Variants in FUT8 observed in about 807,000 individuals in gnomAD.
The protein encoded by FUT8 is fucosyltransferase 8.
A neutral mutation model predicts 71.3 loss-of-function variants in FUT8; 29 were observed. The ratio of observed to expected loss-of-function variants is 0.41; its 90% CI spans 0.30 to 0.55. FUT8 has a LOEUF of 0.55. Ranked by LOEUF, FUT8 falls within the 20% of genes least tolerant of loss-of-function variation. FUT8 has a pLI of 0.34. For missense variants in FUT8, 544 were observed against 702.1 expected (o/e 0.77, Z 2.55); for synonymous variants, 254 against 239.3 (o/e 1.06, Z -0.57).
chr14:65,571,968 C>G (rs921450812), intron 3 of FUT8, among the ~76,000 whole-genome samples: 1 of 152,106 alleles, frequency 6.6e-6, no homozygotes, highest in Non-Finnish European at 1.5e-5. Flanking sequence ...TATAAAATAG[C>G]AGACTCTTAG....
rs1893968873 is a variant in FUT8, at chr14:65,695,919, G to A, written c.836-25856G>A. Among the ~76,000 whole-genome samples the A allele has an allele frequency of 3.3e-5, 5 of 151,772 alleles. 1 individual carries two copies. The South Asian group carries it at 1.0e-3, about 32-fold the overall frequency. On this transcript the variant is annotated intron_variant, in intron 7 of 10. Coordinates refer to ENST00000673929, the MANE Select transcript of FUT8 (RefSeq NM_001371533.1). The stretch of plus-strand genomic sequence containing the variant: ...CATATCAGTTATAACTTCTTCTAGT[G>A]GTTGCCCCAGAGCTTGCAATATATA...
chr14:65,537,451 G>A (rs1266755651), intron 2 of FUT8, among the ~76,000 whole-genome samples: 2 of 152,098 alleles, frequency 1.3e-5, no homozygotes, highest in African/African-American at 4.8e-5. Flanking sequence ...GCAGTGGCGT[G>A]ATCTCAGCTC....
intron 6 of FUT8, among the ~76,000 whole-genome samples, chr14:65,635,411 A>G (rs1890494111): frequency 6.6e-6 from 1 of 152,094 alleles, no homozygotes; most frequent in Non-Finnish European, 1.5e-5. Context: ...TCCTTGTCTT[A>G]TTCTAATTCT....
chr14:65,708,987 AAG>A (rs975808553), intron 7 of FUT8, among the ~76,000 whole-genome samples: 28 of 152,192 alleles, frequency 1.8e-4, no homozygotes, highest in African/African-American at 6.5e-4. Context: ...AAATTGCTAA[AAG>A]AATTTATTTC....
At chr14:65,378,732 G>T in the FUT8 span, among the ~76,000 whole-genome samples, 1 of 147,840 alleles carries the variant, frequency 6.8e-6, no homozygotes, top group Non-Finnish European at 1.5e-5. Context: ...CCAAACATCT[G>T]TTTGTCTACA....
intron 1 of FUT8, among the ~76,000 whole-genome samples, chr14:65,428,536 C>G (rs925694400): frequency 3.2e-4 from 48 of 152,222 alleles, no homozygotes; most frequent in African/African-American, 1.1e-3. Context: ...GTTACCCAGT[C>G]TAAGGTATTT....
intron 7 of FUT8, among the ~76,000 whole-genome samples, chr14:65,715,709 A>G (rs1036171405): frequency 6.6e-6 from 1 of 152,058 alleles, no homozygotes; most frequent in African/African-American, 2.4e-5. Context: ...TAATTTCTTC[A>G]TTGATCCATT....
intron 2 of FUT8, among the ~76,000 whole-genome samples, chr14:65,477,656 A>G (rs1445135682): frequency 6.6e-6 from 1 of 152,172 alleles, no homozygotes; most frequent in Non-Finnish European, 1.5e-5. Flanking sequence ...AAACAGTAGT[A>G]CAGAGGAAAT....
upstream of FUT8, among the ~76,000 whole-genome samples, chr14:65,406,527 G>A (rs571229953): frequency 6.6e-5 from 10 of 151,732 alleles, no homozygotes; most frequent in African/African-American, 2.2e-4. Context: ...TTCGTCTCTC[G>A]CTCTCTCTCT....
At chr14:65,426,328 G>GTTT (rs1334950112) in intron 1 of FUT8, among the ~76,000 whole-genome samples, 4 of 133,970 alleles carry the variant, frequency 3.0e-5, no homozygotes, top group African/African-American at 2.7e-5. Context: ...CCTTTTTAAA[G>GTTT]TTTTTTTTTT....
intron 10 of FUT8, among the ~76,000 whole-genome samples, chr14:65,735,983 G>A (rs1038956707): frequency 1.3e-5 from 2 of 152,126 alleles, no homozygotes; most frequent in Non-Finnish European, 2.9e-5. Context: ...AAAAGTCACT[G>A]ATGGGATAAA....
intron 1 of FUT8, among the ~76,000 whole-genome samples, chr14:65,424,514 T>C (rs2065352903): frequency 1.3e-5 from 2 of 151,720 alleles, no homozygotes; most frequent in South Asian, 2.1e-4. Context: ...GACATACCTC[T>C]TACTTTCTAT....
chr14:65,434,205 T>C (rs780436312), intron 1 of FUT8, among the ~76,000 whole-genome samples: 11 of 152,202 alleles, frequency 7.2e-5, no homozygotes, highest in Non-Finnish European at 1.5e-4. Flanking sequence ...ATAGGAAGAA[T>C]AGAGATGGAG....
intron 10 of FUT8, among the ~76,000 whole-genome samples, chr14:65,735,450 A>C (rs923257262): frequency 1.3e-5 from 2 of 152,080 alleles, no homozygotes; most frequent in African/African-American, 4.8e-5. Context: ...TGCTGAGAAG[A>C]CTTTCTGTAT....
At chr14:65,443,463 A>G (rs1228503494) in intron 1 of FUT8, among the ~76,000 whole-genome samples, 2 of 150,694 alleles carry the variant, frequency 1.3e-5, no homozygotes, top group South Asian at 2.1e-4. Context: ...GCTCACACCT[A>G]TGATCCCGCA....
At position 65,742,677 on chromosome 14, in the gene FUT8, C is replaced by T. The variant is rs942262371; in HGVS notation, c.*267C>T. Reference sequence around the variant, plus strand: ...TGCAAACAGGTTGTTTTCTACTTTGCCCCTTTCAGTATGTCCCCATAAGAC... The same window carrying T: ...TGCAAACAGGTTGTTTTCTACTTTGTCCCTTTCAGTATGTCCCCATAAGAC... On this transcript the variant is annotated 3_prime_UTR_variant, in exon 11 of 11. Transcript: ENST00000673929. 2.7e-6 allele frequency: 1 copy of T among 364,038 alleles called. No homozygotes were observed. Among genetic ancestry groups the T allele is most frequent in the Admixed American group, 4.1e-5 (1 of 24,596 alleles). 22.6% of individuals were successfully genotyped at this position (364,038 alleles called of 1,614,324 possible).
intron 2 of FUT8, among the ~76,000 whole-genome samples, chr14:65,546,926 C>G (rs1246632416): frequency 6.6e-6 from 1 of 151,616 alleles, no homozygotes; most frequent in African/African-American, 2.4e-5. Context: ...TTAGGCTATT[C>G]AAGTAATCTA....
chr14:65,724,686 T>C (rs1391858757), intron 9 of FUT8, among the ~76,000 whole-genome samples: 2 of 152,126 alleles, frequency 1.3e-5, no homozygotes, highest in East Asian at 3.9e-4. Context: ...TTACAGAAAT[T>C]TGTTTCTCCC....
upstream of FUT8, among the ~76,000 whole-genome samples, chr14:65,407,154 T>C (rs183282878): frequency 1.3e-4 from 20 of 152,286 alleles, no homozygotes; most frequent in East Asian, 3.9e-3. Context: ...TTGAACCAGA[T>C]TGGTGTGATG....
Sources: gnomAD v4.1 joint callset for allele counts (sites outside exome capture counted in the v4.1 genomes callset) on GRCh38, gnomAD v4.1.1 for gene constraint, MANE v1.5 for transcripts, NCBI Gene and HGNC (gene_info 2026-07-23, HGNC 2026-07-21) for gene names.